The following CDC42EP3 variants were observed in gnomAD, a reference collection of about 807,000 sequenced individuals.
The protein encoded by CDC42EP3 is CDC42 effector protein (Rho GTPase binding) 3.
In CDC42EP3, 4 loss-of-function variants were observed where a neutral mutation model predicts 15.5. That is an observed-to-expected ratio of 0.26 (90% CI 0.13 to 0.59). CDC42EP3 has a LOEUF of 0.59. CDC42EP3 is among the 20% of genes least tolerant of loss of function. The probability of loss-of-function intolerance (pLI) is 0.89; values close to 1 mark genes in which losing one functional copy is unlikely to be tolerated. For synonymous variants in CDC42EP3, 145 were observed against 130.3 expected (o/e 1.11, Z -0.77); for missense variants, 309 against 311.2 (o/e 0.99, Z 0.05).
chr2:37,660,325 T>C (rs61213191), intron 1 of CDC42EP3, among the ~76,000 whole-genome samples: 3,570 of 152,342 alleles, frequency 0.023, 100 homozygotes, highest in African/African-American at 0.067. Flanking sequence ...ACCAGCTTGA[T>C]TAGAAGTTAA....
At chr2:37,657,054 A>G (rs1474387938) in intron 1 of CDC42EP3, among the ~76,000 whole-genome samples, 1 of 132,914 alleles carries the variant, frequency 7.5e-6, no homozygotes, top group Non-Finnish European at 1.5e-5. Context: ...AATCGTGTTA[A>G]GTGCTGTTCA....
intron 1 of CDC42EP3, among the ~76,000 whole-genome samples, chr2:37,667,949 G>A (rs928084248): frequency 6.6e-6 from 1 of 152,168 alleles, no homozygotes; most frequent in African/African-American, 2.4e-5. Flanking sequence ...CAATATAATA[G>A]TCTGCCTTAT....
rs1375415286 is a variant in CDC42EP3, at chr2:37,644,018, T to A, written c.*1805A>T. ...TTGCAATTTTCTATTTTTATTTTTT[T>A]AAGCTCATCAACTATGGTTAGTGTT... On this transcript the variant is annotated 3_prime_UTR_variant, in exon 2 of 2. Transcript: ENST00000295324. The A allele has an allele frequency of 6.6e-6, 1 of 151,812 alleles. No homozygotes were observed. The highest frequency in any genetic ancestry group is 2.4e-5 in the African/African-American group (1 of 41,230). 9.4% of individuals were successfully genotyped at this position (151,812 alleles called of 1,614,324 possible). A position where few individuals can be genotyped will look rare whatever the true frequency, so the allele number is the denominator to read the frequency against.
rs1267091494 is a variant in CDC42EP3 at position 37,642,127 on chromosome 2, G to GA, written c.*3695dup. ...AGGTCAACATTAAACATTCTCAGAT[G>GA]AAAAGCTTGCTGGATGAAATAGTGC... On this transcript the variant is annotated 3_prime_UTR_variant, in exon 2 of 2. Transcript: ENST00000295324. The GA allele has an allele frequency of 6.6e-6, 1 of 152,114 alleles. No homozygotes were observed. The highest frequency in any genetic ancestry group is 1.9e-4 in the East Asian group (1 of 5,208). 9.4% of individuals were successfully genotyped at this position (152,114 alleles called of 1,614,324 possible).
chr2:37,666,095 T>A (rs1019805872), intron 1 of CDC42EP3, among the ~76,000 whole-genome samples: 1 of 152,190 alleles, frequency 6.6e-6, no homozygotes, highest in African/African-American at 2.4e-5. Flanking sequence ...TACATCCTCA[T>A]CGCTCTCTTC....
At chr2:37,652,595 CAT>C (rs568898064) in intron 1 of CDC42EP3, among the ~76,000 whole-genome samples, 131 of 152,240 alleles carry the variant, frequency 8.6e-4, no homozygotes, top group African/African-American at 3.0e-3. Context: ...AGGGTCAAGT[CAT>C]GTGGTCACCC....
At chr2:37,659,758 A>G (rs4670210) in intron 1 of CDC42EP3, among the ~76,000 whole-genome samples, 42,945 of 152,132 alleles carry the variant, frequency 0.28, 6,534 homozygotes, top group East Asian at 0.59. Context: ...GTACAAGGAA[A>G]CCTCAAGAAA....
chr2:37,663,972 A>C (rs1165961808), intron 1 of CDC42EP3, among the ~76,000 whole-genome samples: 1 of 152,112 alleles, frequency 6.6e-6, no homozygotes, highest in Non-Finnish European at 1.5e-5. Context: ...CAGGAGATGG[A>C]AACCATCCTG....
rs1665344149 is a variant in CDC42EP3, at chr2:37,643,738, G to A, written c.*2085C>T. 1 of 142,642 alleles carries A rather than the reference G, an allele frequency of 7.0e-6. No individual in the cohort carries two copies. The highest frequency in any genetic ancestry group is 2.1e-4 in the South Asian group (1 of 4,830). 8.8% of individuals were successfully genotyped at this position (142,642 alleles called of 1,614,324 possible). On this transcript the variant is annotated 3_prime_UTR_variant, in exon 2 of 2. Coordinates refer to ENST00000295324, the MANE Select transcript of CDC42EP3 (RefSeq NM_006449.5). ...GAGTCTAAAATTGGCTACAAATAAT[G>A]AGATACATTGGACTCTTCGTCATTA...
At chr2:37,668,242 G>A (rs980763821) in intron 1 of CDC42EP3, among the ~76,000 whole-genome samples, 1 of 152,068 alleles carries the variant, frequency 6.6e-6, no homozygotes, top group Non-Finnish European at 1.5e-5. Context: ...CGGGTAATTG[G>A]GGACCACTGT....
At chr2:37,655,864 T>C (rs1339667379) in intron 1 of CDC42EP3, among the ~76,000 whole-genome samples, 3 of 152,254 alleles carry the variant, frequency 2.0e-5, no homozygotes, top group Non-Finnish European at 4.4e-5. Flanking sequence ...TGCTCTCAGT[T>C]GCTCACAAAA....
chr2:37,646,213 T>G lies in CDC42EP3; in HGVS notation c.375A>C (p.Pro125=). ...ACTCCTGTTTGGAATTAAATGTCAC[T>G]GGTGACAATAAGGGCAACATGAGAG... ...SQALMLPLLS[P]VTFNSKQESF... The change falls in exon 2 of 2, where the codon CCA becomes CCC. Residue 125 remains proline (P), a synonymous_variant. Transcript: ENST00000295324. 6.2e-7 allele frequency: 1 copy of G among 1,614,164 alleles called. No individual in the cohort carries two copies. The highest frequency in any genetic ancestry group is 8.5e-7 in the Non-Finnish European group (1 of 1,180,016).
intron 1 of CDC42EP3, among the ~76,000 whole-genome samples, chr2:37,652,174 CAA>C (rs61407687): frequency 0.14 from 5,443 of 38,400 alleles, 52 homozygotes; most frequent in East Asian, 0.36. Context: ...GACTCCCTCT[CAA>C]AAAAAAAAAA....
Position 37,642,002 on chromosome 2 carries a change from C to T in CDC42EP3, c.*3821G>A, listed in dbSNP as rs999244758. 2.0e-5 allele frequency: 3 copies of T among 152,108 alleles called. No individual in the cohort carries two copies. Among genetic ancestry groups the T allele is most frequent in the Non-Finnish European group, 4.4e-5 (3 of 68,028 alleles). The allele number at this position is 152,108 out of a possible 1,614,324, so 9.4% of individuals were successfully genotyped here. On this transcript the variant is annotated 3_prime_UTR_variant, in exon 2 of 2. Coordinates refer to ENST00000295324, the MANE Select transcript of CDC42EP3 (RefSeq NM_006449.5). ...TCACTTCATAAAGTAAGCATAGTTC[C>T]CATTCTTCCACATGATGCTTTTTGC... is the stretch of plus-strand genomic sequence containing the variant.
intron 1 of CDC42EP3, among the ~76,000 whole-genome samples, chr2:37,663,566 T>C (rs898899786): frequency 3.9e-5 from 6 of 152,180 alleles, no homozygotes; most frequent in Non-Finnish European, 8.8e-5. Context: ...CAGCAGGGGC[T>C]TGACCTATTT....
chr2:37,672,945 G>C (rs1489572571), upstream of CDC42EP3, among the ~76,000 whole-genome samples: 2 of 152,236 alleles, frequency 1.3e-5, no homozygotes, highest in Non-Finnish European at 2.9e-5. Flanking sequence ...ACTTTAAGGT[G>C]AAGTGAAAAG....
intron 1 of CDC42EP3, among the ~76,000 whole-genome samples, chr2:37,661,654 G>A (rs946544400): frequency 4.6e-5 from 7 of 152,138 alleles, no homozygotes; most frequent in Admixed American, 3.9e-4. Context: ...TAAACTGGAC[G>A]GCAAGGCTAC....
intron 1 of CDC42EP3, among the ~76,000 whole-genome samples, chr2:37,651,156 G>A (rs1026140889): frequency 1.2e-4 from 18 of 152,276 alleles, no homozygotes; most frequent in Admixed American, 6.5e-4. Flanking sequence ...GTGCAAATGC[G>A]TGTATTTATA....
chr2:37,660,908 G>A (rs79129479), intron 1 of CDC42EP3, among the ~76,000 whole-genome samples: 2 of 152,152 alleles, frequency 1.3e-5, no homozygotes, highest in African/African-American at 2.4e-5. Context: ...GAAGGCCAGA[G>A]TGGACCAGTA....
Sources: allele counts gnomAD v4.1 joint callset (sites outside exome capture counted in the v4.1 genomes callset), GRCh38; gene constraint gnomAD v4.1.1; transcripts MANE v1.5; gene names NCBI Gene and HGNC (gene_info 2026-07-23, HGNC 2026-07-21).